IL1RAP: variants seen among roughly 807,000 people sequenced by gnomAD.
IL1RAP encodes the protein interleukin 1 receptor accessory protein.
IL1RAP carries 35 observed loss-of-function variants against 60.7 expected under a neutral mutation model. That is an observed-to-expected ratio of 0.58 (90% CI 0.44 to 0.76). The LOEUF is 0.76. IL1RAP is among the 30% of genes least tolerant of loss of function. The pLI is 0.00. For synonymous variants in IL1RAP, 268 were observed against 250.9 expected (o/e 1.07, Z -0.64); for missense variants, 572 against 693.9 (o/e 0.82, Z 1.97).
chr3:190,594,796 C>G (rs56289969), intron 3 of IL1RAP, among the ~76,000 whole-genome samples: 3 of 152,186 alleles, frequency 2.0e-5, no homozygotes, highest in Admixed American at 2.0e-4. Context: ...AATTACAGTT[C>G]ATAGATTAAT....
intron 1 of IL1RAP, among the ~76,000 whole-genome samples, chr3:190,544,665 C>T (rs557259453): frequency 6.6e-6 from 1 of 152,210 alleles, no homozygotes; most frequent in South Asian, 2.1e-4. Context: ...TCAGCATTTC[C>T]AAACTGTGGC....
chr3:190,594,773 A>G (rs1171065602), intron 3 of IL1RAP, among the ~76,000 whole-genome samples: 1 of 152,244 alleles, frequency 6.6e-6, no homozygotes, highest in Non-Finnish European at 1.5e-5. Flanking sequence ...TGGTTTGCCA[A>G]AGATCACAGA....
intron 5 of IL1RAP, among the ~76,000 whole-genome samples, chr3:190,614,371 G>A (rs564627072): frequency 3.9e-4 from 59 of 152,040 alleles, no homozygotes; most frequent in African/African-American, 1.3e-3. Context: ...TTACATTTCA[G>A]TAATCACACG....
downstream of IL1RAP, among the ~76,000 whole-genome samples, chr3:190,654,545 A>C (rs1734543103): frequency 6.6e-6 from 1 of 152,250 alleles, no homozygotes; most frequent in African/African-American, 2.4e-5. Flanking sequence ...AAAAGTTCTC[A>C]AAACTTGAGC....
intron 5 of IL1RAP, among the ~76,000 whole-genome samples, chr3:190,619,924 A>G (rs1327807209): frequency 6.6e-6 from 1 of 152,168 alleles, no homozygotes; most frequent in Non-Finnish European, 1.5e-5. Flanking sequence ...CTTTCTAAAT[A>G]GCAGGTCTTG....
chr3:190,596,363 T>G (rs1248384495), intron 3 of IL1RAP, among the ~76,000 whole-genome samples: 2 of 152,220 alleles, frequency 1.3e-5, no homozygotes, highest in Admixed American at 6.5e-5. Flanking sequence ...CTTTTTTTTT[T>G]TGTGCTACCA....
At chr3:190,633,418 G>A (rs113789448) in intron 9 of IL1RAP, among the ~76,000 whole-genome samples, 34,419 of 151,998 alleles carry the variant, frequency 0.23, 5,285 homozygotes, top group African/African-American at 0.43. Context: ...GTGCAGTGGC[G>A]TGATCTCGGC....
At chr3:190,554,590 T>G (rs143371776) in intron 1 of IL1RAP, 1 of 152,382 alleles carries the variant, frequency 6.6e-6, no homozygotes, top group Non-Finnish European at 1.5e-5. Flanking sequence ...CTCCAAGAGA[T>G]ACGTGATATG....
At chr3:190,550,501 A>G (rs1485208304) in intron 1 of IL1RAP, 6 of 152,254 alleles carry the variant, frequency 3.9e-5, no homozygotes. Context: ...ATTTCCAGAT[A>G]ACTGGTGGGT....
chr3:190,625,342 G>A (rs1732158035), intron 7 of IL1RAP, among the ~76,000 whole-genome samples: 1 of 152,112 alleles, frequency 6.6e-6, no homozygotes, highest in African/African-American at 2.4e-5. Flanking sequence ...GGCTAGAAAG[G>A]CTGTAACATT....
chr3:190,537,781 T>C (rs1036462592), intron 1 of IL1RAP, among the ~76,000 whole-genome samples: 2 of 152,136 alleles, frequency 1.3e-5, no homozygotes. Context: ...AGATACCCCC[T>C]GCCCTCCAAA....
chr3:190,650,043 A>G lies in IL1RAP; in HGVS notation c.*1338A>G. 1 of 604,554 alleles carries G rather than the reference A, an allele frequency of 1.7e-6. No homozygotes were observed. The highest frequency in any genetic ancestry group is 2.1e-6 in the Non-Finnish European group (1 of 482,962). 37.4% of individuals were successfully genotyped at this position (604,554 alleles called of 1,614,324 possible). A position where few individuals can be genotyped will look rare whatever the true frequency, so the allele number is the denominator to read the frequency against. On this transcript the variant is annotated 3_prime_UTR_variant, in exon 12 of 12. Coordinates refer to ENST00000447382, the MANE Select transcript of IL1RAP (RefSeq NM_002182.4). ...TACATTACATATATCTGTGTATATA[A>G]ATCCACATGCACATGAAATATATAT... is the stretch of plus-strand genomic sequence containing the variant.
intron 3 of IL1RAP, among the ~76,000 whole-genome samples, chr3:190,571,509 CTG>C (rs1402903126): frequency 6.6e-6 from 1 of 152,134 alleles, no homozygotes; most frequent in Non-Finnish European, 1.5e-5. Flanking sequence ...GAACAAGACC[CTG>C]TCTCTCTCTT....
intron 3 of IL1RAP, among the ~76,000 whole-genome samples, chr3:190,600,043 T>C (rs924624573): frequency 1.3e-5 from 2 of 152,044 alleles, no homozygotes; most frequent in Non-Finnish European, 2.9e-5. Context: ...TTTTTTTTTC[T>C]GACATTACAT....
chr3:190,638,132 C>A (rs1733371798), intron 9 of IL1RAP, among the ~76,000 whole-genome samples: 2 of 152,068 alleles, frequency 1.3e-5, no homozygotes, highest in Admixed American at 6.5e-5. Context: ...TAATGGACTA[C>A]CGCTTTTACT....
rs1056000798 is a variant in IL1RAP, at chr3:190,556,224, A to C, written c.-2+8A>C. 1 of 151,964 alleles carries C rather than the reference A, an allele frequency of 6.6e-6. No individual in the cohort carries two copies. Among genetic ancestry groups the C allele is most frequent in the African/African-American group, 2.4e-5 (1 of 41,356 alleles). The allele number at this position is 151,964 out of a possible 1,614,324, so 9.4% of individuals were successfully genotyped here. A position where few individuals can be genotyped will look rare whatever the true frequency, so the allele number is the denominator to read the frequency against. On this transcript the variant is annotated splice_region_variant and intron_variant, in intron 2 of 11. Transcript: ENST00000447382. ...CCCTTTAATATCTCAAAGGTAATTC[A>C]TTTTCTGATTTAAATTAAGCAATTT... is the stretch of plus-strand genomic sequence containing the variant.
intron 8 of IL1RAP, among the ~76,000 whole-genome samples, chr3:190,627,781 G>C (rs1433547697): frequency 6.6e-6 from 1 of 152,174 alleles, no homozygotes; most frequent in Admixed American, 6.5e-5. Flanking sequence ...GAAGTAGAGA[G>C]AATACATATC....
intron 5 of IL1RAP, among the ~76,000 whole-genome samples, chr3:190,611,591 T>A (rs2108770689): frequency 6.6e-6 from 1 of 152,278 alleles, no homozygotes; most frequent in African/African-American, 2.4e-5. Flanking sequence ...AGGAAGTGAT[T>A]TTACTATAAA....
downstream of IL1RAP, among the ~76,000 whole-genome samples, chr3:190,652,860 T>C (rs1299654305): frequency 2.6e-5 from 4 of 152,212 alleles, no homozygotes; most frequent in East Asian, 1.9e-4. Context: ...CTTTGGAAGA[T>C]TCAACTTCAG....
Sources: allele counts gnomAD v4.1 joint callset (sites outside exome capture counted in the v4.1 genomes callset), GRCh38; gene constraint gnomAD v4.1.1; transcripts MANE v1.5; gene names NCBI Gene and HGNC (gene_info 2026-07-23, HGNC 2026-07-21).